Variants in OAS3 observed in about 807,000 individuals in gnomAD.
OAS3 encodes the protein 2'-5'-oligoadenylate synthetase 3.
OAS3 carries 107 observed loss-of-function variants against 113.0 expected under a neutral mutation model. That is an observed-to-expected ratio of 0.95 (90% CI 0.81 to 1.11). OAS3 has a LOEUF of 1.11. Ranked by LOEUF, OAS3 falls within the 50% of genes most tolerant of loss-of-function variation. The pLI is 0.00. For synonymous variants in OAS3, 552 were observed against 573.6 expected (o/e 0.96, Z 0.54); for missense variants, 1,258 against 1,389.1 (o/e 0.91, Z 1.50).
chr12:112,969,149 G>A (rs1221526701), intron 14 of OAS3, among the ~76,000 whole-genome samples: 1 of 152,166 alleles, frequency 6.6e-6, no homozygotes, highest in African/African-American at 2.4e-5. Flanking sequence ...ATATGCTCAA[G>A]GAAAATGCTT....
Position 112,963,696 on chromosome 12 carries a change from T to C in OAS3, c.2229+239T>C, listed in dbSNP as rs1306558568. On this transcript the variant is annotated intron_variant, in intron 10 of 15. Transcript: ENST00000228928. The surrounding 1 kb of genome is among the most constrained non-coding windows in gnomAD (Gnocchi z 4.6). ...CTCTGTCTCCAGGCGGAACCGATTC[T>C]GTGATGCAACTCACGTTCCAGCGCT... Among the ~76,000 whole-genome samples the C allele has an allele frequency of 6.6e-6, 1 of 152,218 alleles. No homozygotes were observed. Among genetic ancestry groups the C allele is most frequent in the Admixed American group, 6.5e-5 (1 of 15,282 alleles).
In OAS3 at chr12:112,964,160, G is replaced by T. The variant is rs1021663119; in HGVS notation, c.2230-75G>T. ...GACAGTGGGAGTCTTGTCCTCAGAG[G>T]ACATCAAGGGGCAGGGCTTGGGTGA... On this transcript the variant is annotated intron_variant, in intron 10 of 15. Coordinates refer to ENST00000228928, the MANE Select transcript of OAS3 (RefSeq NM_006187.4). 3 of 1,440,146 alleles carry T rather than the reference G, an allele frequency of 2.1e-6. No individual in the cohort carries two copies. In the African/African-American group the frequency reaches 4.2e-5, roughly 20 times the overall value. The allele number at this position is 1,440,146 out of a possible 1,614,324, so 89.2% of individuals were successfully genotyped here. A position where few individuals can be genotyped will look rare whatever the true frequency, so the allele number is the denominator to read the frequency against.
Position 112,950,974 on chromosome 12 carries a change from G to A in OAS3, c.1656G>A (p.Val552=), listed in dbSNP as rs767615780. Residue 552 remains valine, a splice_region_variant and synonymous_variant, in exon 7 of 16, where the codon GTG becomes GTA. Coordinates refer to ENST00000228928, the MANE Select transcript of OAS3 (RefSeq NM_006187.4). ...DVSLLPAFDA[V]GQLSSGTKPN... ...GCCTGCTGCCTGCCTTCGATGCTGT[G>A]GGTGAGGGCGCCCAGCCTGTCCCTT... is the stretch of plus-strand genomic sequence containing the variant. 3.7e-6 allele frequency: 6 copies of A among 1,611,820 alleles called. No individual in the cohort carries two copies. In the East Asian group the frequency reaches 1.3e-4, roughly 36 times the overall value.
At chr12:112,960,303 A>T (rs1456432943) in intron 7 of OAS3, among the ~76,000 whole-genome samples, 1 of 152,098 alleles carries the variant, frequency 6.6e-6, no homozygotes, top group African/African-American at 2.4e-5. Context: ...CTAGCACAGG[A>T]TCGGGGTCCC....
rs903756076 is a variant in OAS3 at position 112,946,808 on chromosome 12, C to A, written c.702C>A (p.Ile234=). ...TCTATGCCCTGGAATTGCTGACCAT[C>A]TTCGCCTGGGAGCAGGGCTGTAAGA... is the stretch of plus-strand genomic sequence containing the variant. ...PPVYALELLT[I]FAWEQGCKKD... Residue 234 remains isoleucine (I), a synonymous_variant, in exon 4 of 16, where the codon ATC becomes ATA. Coordinates refer to ENST00000228928, the MANE Select transcript of OAS3 (RefSeq NM_006187.4). The A allele has an allele frequency of 1.8e-5, 29 of 1,613,620 alleles. No homozygotes were observed. The highest frequency in any genetic ancestry group is 5.0e-5 in the Admixed American group (3 of 59,972).
intron 3 of OAS3, among the ~76,000 whole-genome samples, chr12:112,946,140 C>G (rs1185197096): frequency 6.6e-6 from 1 of 152,062 alleles, no homozygotes; most frequent in African/African-American, 2.4e-5. Flanking sequence ...TGTGGAGATG[C>G]TGGGTGCTTC....
chr12:112,951,871 G>T (rs1230016820), intron 7 of OAS3, among the ~76,000 whole-genome samples: 2 of 148,680 alleles, frequency 1.3e-5, no homozygotes, highest in Non-Finnish European at 3.0e-5. Context: ...AAATAGCCTG[G>T]CATGGTGGCA....
chr12:112,939,686 C>T (rs773291587), intron 1 of OAS3, among the ~76,000 whole-genome samples: 1 of 152,140 alleles, frequency 6.6e-6, no homozygotes, highest in African/African-American at 2.4e-5. Context: ...CACTTTTTGT[C>T]ACTTAAATAC....
intron 2 of OAS3, 48 bp from the exon 3 acceptor site, chr12:112,944,428 C>T: frequency 6.2e-7 from 1 of 1,607,358 alleles, no homozygotes; most frequent in Admixed American, 1.7e-5. Context: ...CGCCCTCCAT[C>T]CTGTGTCCTC....
intron 1 of OAS3, among the ~76,000 whole-genome samples, chr12:112,940,872 G>A (rs4767041): frequency 0.7 from 106,257 of 151,956 alleles, 37,533 homozygotes; most frequent in African/African-American, 0.78. Flanking sequence ...GCATGGTGGC[G>A]CACACCTGTA....
intron 7 of OAS3, 63 bp from the exon 8 acceptor site, chr12:112,961,008 G>C (rs1232262098): frequency 3.3e-6 from 5 of 1,501,882 alleles, no homozygotes; most frequent in African/African-American, 1.4e-5. Flanking sequence ...TGAATGGATG[G>C]GTTGGTAAAT....
intron 7 of OAS3, among the ~76,000 whole-genome samples, chr12:112,960,306 G>A (rs748686874): frequency 1.8e-4 from 27 of 152,044 alleles, no homozygotes; most frequent in Admixed American, 1.6e-3. Flanking sequence ...GCACAGGATC[G>A]GGGTCCCAGT....
intron 14 of OAS3, among the ~76,000 whole-genome samples, chr12:112,968,391 A>G (rs3937434): frequency 0.78 from 118,844 of 152,172 alleles, 47,480 homozygotes; most frequent in African/African-American, 0.94. Flanking sequence ...TTAAATTTGA[A>G]TTTCAGATAA....
Position 112,948,041 on chromosome 12 carries a change from A to G in OAS3, c.971A>G (p.Tyr324Cys). The G allele has an allele frequency of 1.3e-6, 2 of 1,594,010 alleles. No homozygotes were observed. The highest frequency in any genetic ancestry group is 1.7e-6 in the Non-Finnish European group (2 of 1,169,760). ...CTAGCCCAGGAGGCAGCATCCTGCTATGACCACCCATGCTTTCTGAGGGGG... is the reference window on the plus strand; with the variant it reads ...CTAGCCCAGGAGGCAGCATCCTGCTGTGACCACCCATGCTTTCTGAGGGGG... The part of the protein sequence containing the change: ...DLLAQEAASC[Y>C]DHPCFLRGMG... The change falls in exon 5 of 16, where the codon TAT (tyrosine) becomes TGT (cysteine). Residue 324 changes from tyrosine to cysteine, a missense_variant. Physicochemically the swap from Tyr to Cys is radical, Grantham distance 194. Transcript: ENST00000228928.
chr12:112,946,289 A>G (rs1396460310), intron 3 of OAS3, among the ~76,000 whole-genome samples: 1 of 152,100 alleles, frequency 6.6e-6, no homozygotes, highest in African/African-American at 2.4e-5. Context: ...AATAGAAATC[A>G]TGCATTTTGG....
intron 14 of OAS3, 40 bp from the exon 15 acceptor site, chr12:112,969,568 T>A (rs2043964770): frequency 6.4e-7 from 1 of 1,574,286 alleles, no homozygotes. Context: ...GACACCTAGA[T>A]GTTGCCAGGA....
chr12:112,963,015 T>A lies in OAS3; in HGVS notation c.2084+113T>A. Reference sequence around the variant, plus strand: ...GTAGGGTTTGGGGTGGCAATCCCACTCCTCACTCTGCTTCCCTCTGGACTC... The same window carrying A: ...GTAGGGTTTGGGGTGGCAATCCCACACCTCACTCTGCTTCCCTCTGGACTC... On this transcript the variant is annotated intron_variant, in intron 9 of 15. Coordinates refer to ENST00000228928, the MANE Select transcript of OAS3 (RefSeq NM_006187.4). The surrounding 1 kb of genome is among the most constrained non-coding windows in gnomAD (Gnocchi z 4.6). The A allele has an allele frequency of 1.4e-6, 2 of 1,407,222 alleles. No homozygotes were observed. Among genetic ancestry groups the A allele is most frequent in the Non-Finnish European group, 2.0e-6 (2 of 1,023,712 alleles). 87.2% of individuals were successfully genotyped at this position (1,407,222 alleles called of 1,614,324 possible).
rs140830277 is a variant in OAS3, at chr12:112,953,095, G to A, written c.1657+2120G>A. On this transcript the variant is annotated intron_variant, in intron 7 of 15. Transcript: ENST00000228928. ...GTTGGTGTGCTGCACCCATTAACTCGTCATTTACATTAGGTATATCTTCTA... is the reference window on the plus strand; with the variant it reads ...GTTGGTGTGCTGCACCCATTAACTCATCATTTACATTAGGTATATCTTCTA... 6.7e-3 allele frequency among the ~76,000 whole-genome samples: 1,026 copies of A among 152,078 alleles called. 11 individuals are homozygous for A. Among genetic ancestry groups the A allele is most frequent in the Middle Eastern group, 0.017 (5 of 294 alleles).
intron 9 of OAS3, 33 bp downstream of exon 9, chr12:112,962,935 TATCC>T: frequency 6.2e-7 from 1 of 1,608,892 alleles, no homozygotes; most frequent in East Asian, 2.2e-5. Flanking sequence ...CTGGCTTCAT[TATCC>T]TCCCCCTCCC....
Sources: gnomAD v4.1 joint callset for allele counts (sites outside exome capture counted in the v4.1 genomes callset) on GRCh38, gnomAD v4.1.1 for gene constraint, Gnocchi (gnomAD v3.1) non-coding constraint, MANE v1.5 for transcripts, NCBI Gene and HGNC (gene_info 2026-07-23, HGNC 2026-07-21) for gene names.